Variants in LRRC4C observed in about 807,000 individuals in gnomAD.
LRRC4C encodes the protein leucine rich repeat containing 4C.
In LRRC4C, 5 loss-of-function variants were observed where a neutral mutation model predicts 33.6. The ratio of observed to expected loss-of-function variants is 0.15; its 90% CI spans 0.08 to 0.31. The LOEUF (loss-of-function observed/expected upper bound fraction) is 0.31. LRRC4C is among the 10% of genes least tolerant of loss of function. LRRC4C has a pLI of 1.00. For synonymous variants in LRRC4C, 329 were observed against 302.0 expected, an observed-to-expected ratio of 1.09 and a Z score of -0.93; for missense variants, 560 against 796.7, an observed-to-expected ratio of 0.70 and a Z score of 3.58.
intron 2 of LRRC4C, among the ~76,000 whole-genome samples, chr11:40,863,983 T>C (rs972469847): frequency 3.3e-5 from 5 of 152,162 alleles, no homozygotes; most frequent in African/African-American, 1.2e-4. Flanking sequence ...GCAGTTTTTT[T>C]AATTGAAGGA....
At chr11:41,179,635 A>C (rs886868834) in intron 1 of LRRC4C, among the ~76,000 whole-genome samples, 7 of 152,218 alleles carry the variant, frequency 4.6e-5, no homozygotes, top group Admixed American at 3.3e-4. Flanking sequence ...TGTTTTCGGC[A>C]ACAATTACAA....
intron 5 of LRRC4C, among the ~76,000 whole-genome samples, chr11:40,142,658 A>T (rs550270419): frequency 6.6e-5 from 10 of 151,932 alleles, no homozygotes; most frequent in African/African-American, 2.2e-4. Flanking sequence ...CTCAACATCC[A>T]TTGCTGGTTG....
At chr11:41,215,014 G>GTA (rs34328057) in intron 1 of LRRC4C, among the ~76,000 whole-genome samples, 6,577 of 130,868 alleles carry the variant, frequency 0.05, 169 homozygotes, top group East Asian at 0.073. Context: ...TTTTATTCAT[G>GTA]TATATATATA....
intron 1 of LRRC4C, among the ~76,000 whole-genome samples, chr11:40,989,898 T>G (rs535192010): frequency 6.6e-6 from 1 of 152,016 alleles, no homozygotes; most frequent in Non-Finnish European, 1.5e-5. Context: ...AAAATGCAGA[T>G]AAAAACAATA....
chr11:40,573,856 T>TC (rs1958077722), intron 3 of LRRC4C, among the ~76,000 whole-genome samples: 1 of 152,168 alleles, frequency 6.6e-6, no homozygotes, highest in African/African-American at 2.4e-5. Context: ...ACTACAGTCA[T>TC]CTTTTTTTTT....
chr11:41,323,217 A>T (rs1951009471), intron 1 of LRRC4C, among the ~76,000 whole-genome samples: 1 of 152,126 alleles, frequency 6.6e-6, no homozygotes, highest in African/African-American at 2.4e-5. Flanking sequence ...CCCCATTTAT[A>T]CCACTGAATG....
intron 3 of LRRC4C, among the ~76,000 whole-genome samples, chr11:40,502,586 T>C (rs372159205): frequency 6.6e-6 from 1 of 152,150 alleles, no homozygotes. Context: ...GTCATGAGAA[T>C]AGTATGGGGG....
chr11:40,619,357 A>T (rs888318037), intron 3 of LRRC4C, among the ~76,000 whole-genome samples: 29 of 151,868 alleles, frequency 1.9e-4, no homozygotes, highest in African/African-American at 7.0e-4. Flanking sequence ...ATTGATGAAG[A>T]ATGTTCATAC....
intron 3 of LRRC4C, among the ~76,000 whole-genome samples, chr11:40,429,453 A>G (rs994951830): frequency 1.3e-5 from 2 of 152,138 alleles, no homozygotes; most frequent in African/African-American, 4.8e-5. Context: ...TTTCATTCAC[A>G]TTTGACTTAG....
intron 1 of LRRC4C, among the ~76,000 whole-genome samples, chr11:41,389,609 C>G (rs1271129177): frequency 9.6e-6 from 1 of 104,712 alleles, no homozygotes; most frequent in African/African-American, 3.7e-5. Context: ...CTGTAATCAA[C>G]CAAGCCTAAT....
intron 1 of LRRC4C, among the ~76,000 whole-genome samples, chr11:41,375,538 G>T (rs1952906076): frequency 6.6e-6 from 1 of 152,162 alleles, no homozygotes; most frequent in Admixed American, 6.5e-5. Context: ...CCAATGTTCA[G>T]TGTGAGTTTC....
In LRRC4C at chr11:41,241,702, T is replaced by C. The variant is rs77405064; in HGVS notation, c.-496+217729A>G. Among the ~76,000 whole-genome samples, 601 of 152,282 alleles carry C rather than the reference T, an allele frequency of 3.9e-3. 5 individuals carry two copies. The highest frequency in any genetic ancestry group is 0.013 in the African/African-American group (560 of 41,584). On this transcript the variant is annotated intron_variant, in intron 1 of 6. Coordinates refer to ENST00000528697, the MANE Select transcript of LRRC4C (RefSeq NM_001258419.2). ...AAGAATGTTTTGTAGGTATCACTTT[T>C]CTTTTGACAGAACTCAGTTGGAATT...
At chr11:40,671,331 A>T (rs1348082235) in intron 2 of LRRC4C, among the ~76,000 whole-genome samples, 7 of 152,188 alleles carry the variant, frequency 4.6e-5, no homozygotes, top group Admixed American at 4.6e-4. Context: ...GAAATATTTA[A>T]TATGTTAGAA....
At chr11:40,325,403 CAGG>C (rs1255820718) in intron 3 of LRRC4C, among the ~76,000 whole-genome samples, 2 of 152,240 alleles carry the variant, frequency 1.3e-5, no homozygotes, top group Non-Finnish European at 2.9e-5. Context: ...TAGGCCAAAG[CAGG>C]AGGTTAGCTT....
In LRRC4C at chr11:40,194,870, C is replaced by T. The variant is rs11035731; in HGVS notation, c.-96+46649G>A. On this transcript the variant is annotated intron_variant, in intron 5 of 6. Transcript: ENST00000528697. Reference sequence around the variant, plus strand: ...TTGGGAGGCCGAGGTGGGCGGATCACGAGGTCAGGAGATCCAGACCATCCT... The same window carrying T: ...TTGGGAGGCCGAGGTGGGCGGATCATGAGGTCAGGAGATCCAGACCATCCT... Among the ~76,000 whole-genome samples, 15 of 151,794 alleles carry T rather than the reference C, an allele frequency of 9.9e-5. No homozygotes were observed. In the East Asian group the frequency reaches 2.3e-3, roughly 24 times the overall value.
At chr11:40,428,330 C>G (rs111897042) in intron 3 of LRRC4C, among the ~76,000 whole-genome samples, 2 of 152,106 alleles carry the variant, frequency 1.3e-5, no homozygotes, top group Non-Finnish European at 2.9e-5. Context: ...GATTTTATAA[C>G]TTTGCTAAAG....
rs75804591 is a variant in LRRC4C at position 41,261,973 on chromosome 11, T to C, written c.-496+197458A>G. 1.4e-4 allele frequency among the ~76,000 whole-genome samples: 22 copies of C among 152,190 alleles called. No homozygotes were observed. In the East Asian group the frequency reaches 4.1e-3, roughly 28 times the overall value. ...ATTCTAAAGGAGAGAAAAATCTTCA[T>C]TCTCTGTGGGGAGAAGTCAATAGAT... On this transcript the variant is annotated intron_variant, in intron 1 of 6. Transcript: ENST00000528697.
chr11:40,934,673 ATTGT>A (rs1957789694), intron 1 of LRRC4C, among the ~76,000 whole-genome samples: 2 of 152,052 alleles, frequency 1.3e-5, no homozygotes, highest in South Asian at 2.1e-4. Flanking sequence ...TTTCCTTCTA[ATTGT>A]TTGTAATAAT....
At chr11:40,513,507 A>G (rs566532926) in intron 3 of LRRC4C, among the ~76,000 whole-genome samples, 1 of 152,238 alleles carries the variant, frequency 6.6e-6, no homozygotes, top group East Asian at 1.9e-4. Flanking sequence ...GCTGATAAGT[A>G]CACAGGGCTG....
Sources: gnomAD v4.1 joint callset for allele counts (sites outside exome capture counted in the v4.1 genomes callset) on GRCh38, gnomAD v4.1.1 for gene constraint, MANE v1.5 for transcripts, NCBI Gene and HGNC (gene_info 2026-07-23, HGNC 2026-07-21) for gene names.